The following MCPH1 variants were observed in gnomAD, a reference collection of about 807,000 sequenced individuals.
MCPH1 encodes microcephalin 1, also known as microcephalin.
Under a neutral mutation model 84.5 loss-of-function variants are expected in MCPH1, and 104 were observed. That is an observed-to-expected ratio of 1.23 (90% CI 1.05 to 1.45). The LOEUF is 1.45. Among genes scored for constraint, MCPH1 ranks in the 40% most tolerant of loss-of-function variants. MCPH1 has a pLI of 0.00. For missense variants in MCPH1, 1,498 were observed against 1,005.7 expected, an observed-to-expected ratio of 1.49 and a Z score of -6.62; for synonymous variants, 514 against 366.8, an observed-to-expected ratio of 1.40 and a Z score of -4.58.
At chr8:6,632,875 T>A (rs1018602088) in intron 13 of MCPH1, among the ~76,000 whole-genome samples, 1 of 152,136 alleles carries the variant, frequency 6.6e-6, no homozygotes, top group Admixed American at 6.6e-5. Flanking sequence ...GTAGTGTGTT[T>A]TTAAAACACA....
At chr8:6,515,713 A>G (rs1816136335) in intron 12 of MCPH1, among the ~76,000 whole-genome samples, 2 of 152,232 alleles carry the variant, frequency 1.3e-5, no homozygotes, top group Admixed American at 6.5e-5. Context: ...TTTCTGCCAC[A>G]TACAAGGTAG....
chr8:6,427,940 G>A (rs544710843), intron 3 of MCPH1, among the ~76,000 whole-genome samples: 21 of 151,828 alleles, frequency 1.4e-4, no homozygotes, highest in Admixed American at 1.2e-3. Context: ...TTACAGGCAC[G>A]CACCACCACG....
At chr8:6,500,658 G>C (rs955946011) in intron 12 of MCPH1, 1 of 151,998 alleles carries the variant, frequency 6.6e-6, no homozygotes, top group African/African-American at 2.4e-5. Flanking sequence ...GGGTTGTTTT[G>C]TTTTCATTTT....
At chr8:6,481,348 A>G (rs992725846) in intron 11 of MCPH1, among the ~76,000 whole-genome samples, 3 of 152,222 alleles carry the variant, frequency 2.0e-5, no homozygotes, top group African/African-American at 7.2e-5. Flanking sequence ...ATGTATATCT[A>G]TCTGTAACAT....
chr8:6,529,882 G>GTT (rs3045055), intron 12 of MCPH1, among the ~76,000 whole-genome samples: 72,521 of 148,512 alleles, frequency 0.49, 18,682 homozygotes, highest in Non-Finnish European at 0.58. Flanking sequence ...CACAATAGGC[G>GTT]TTTTTTTTTT....
intron 12 of MCPH1, among the ~76,000 whole-genome samples, chr8:6,561,388 T>C (rs1366384039): frequency 1.3e-5 from 2 of 152,220 alleles, no homozygotes; most frequent in Admixed American, 1.3e-4. Context: ...ATTCATTCAT[T>C]TAAGCTCATG....
chr8:6,422,879 G>A (rs906638247), intron 3 of MCPH1, among the ~76,000 whole-genome samples: 1 of 151,866 alleles, frequency 6.6e-6, no homozygotes, highest in East Asian at 2.0e-4. Context: ...TAGTAGAGAC[G>A]GGGTTTCACT....
intron 12 of MCPH1, among the ~76,000 whole-genome samples, chr8:6,606,922 A>G (rs1474299398): frequency 1.3e-5 from 2 of 152,172 alleles, no homozygotes; most frequent in African/African-American, 4.8e-5. Flanking sequence ...TTCCACTATG[A>G]GTGTGAGGCC....
chr8:6,490,417 A>T (rs1433731296), intron 11 of MCPH1, among the ~76,000 whole-genome samples: 1 of 152,160 alleles, frequency 6.6e-6, no homozygotes, highest in African/African-American at 2.4e-5. Flanking sequence ...ACAATCTGTT[A>T]TTTCAAGGCT....
chr8:6,624,020 C>T (rs371926990), intron 13 of MCPH1, among the ~76,000 whole-genome samples: 79 of 152,340 alleles, frequency 5.2e-4, no homozygotes, highest in African/African-American at 1.9e-3. Flanking sequence ...ACTCGTGTTT[C>T]CAGGTTGGGT....
rs540518849 is a variant in MCPH1, at chr8:6,577,677, G to A, written c.2215-43777G>A. Among the ~76,000 whole-genome samples, 23 of 152,350 alleles carry A rather than the reference G, an allele frequency of 1.5e-4. No homozygotes were observed. The East Asian group carries it at 3.5e-3, about 23-fold the overall frequency. ...ATATGCCACAAAGCTGCAGTAGTGT[G>A]TTAGGTTTAGTAGATGGCTAAGCAC... On this transcript the variant is annotated intron_variant, in intron 12 of 13. Transcript: ENST00000344683.
At chr8:6,465,000 A>G (rs566443036) in intron 9 of MCPH1, among the ~76,000 whole-genome samples, 9 of 126,240 alleles carry the variant, frequency 7.1e-5, no homozygotes, top group South Asian at 4.9e-4. Context: ...TCCATCTCAG[A>G]AAAAAAAAAA....
chr8:6,407,498 G>C (rs1797909553), intron 1 of MCPH1, among the ~76,000 whole-genome samples: 1 of 152,116 alleles, frequency 6.6e-6, no homozygotes, highest in African/African-American at 2.4e-5. Context: ...TGTGCACCTG[G>C]AAGAGCCCAG....
intron 3 of MCPH1, among the ~76,000 whole-genome samples, chr8:6,421,354 CCT>C: frequency 6.6e-6 from 1 of 152,196 alleles, no homozygotes; most frequent in African/African-American, 2.4e-5. Flanking sequence ...GTGGTAGAGG[CCT>C]CTCCTGCCGG....
At chr8:6,584,356 T>C (rs1827808911) in intron 12 of MCPH1, among the ~76,000 whole-genome samples, 1 of 152,158 alleles carries the variant, frequency 6.6e-6, no homozygotes, top group African/African-American at 2.4e-5. Flanking sequence ...AAGCTGAAAG[T>C]TAATGCAAAC....
chr8:6,569,534 A>G (rs2515514), intron 12 of MCPH1, among the ~76,000 whole-genome samples: 1 of 152,080 alleles, frequency 6.6e-6, no homozygotes, highest in Non-Finnish European at 1.5e-5. Context: ...AAGTTACCGT[A>G]AAGACAGAAG....
At position 6,431,566 on chromosome 8, in the gene MCPH1, T is replaced by C. The variant is rs749905038; in HGVS notation, c.301T>C (p.Ser101Pro). The C allele has an allele frequency of 3.1e-6, 5 of 1,611,404 alleles. No individual in the cohort carries two copies. The highest frequency in any genetic ancestry group is 4.5e-5 in the East Asian group (2 of 44,788). ...FPAANMNEHL[S>P]SLIKKKRKCM... ...TGCAGCTAATATGAATGAACACTTA[T>C]CAAGCCTAATTAAAAAAAAAGTAAG... Residue 101 changes from serine (S) to proline (P), a missense_variant, in exon 4 of 14, where the codon TCA becomes CCA. Coordinates refer to ENST00000344683, the MANE Select transcript of MCPH1 (RefSeq NM_024596.5).
chr8:6,534,950 GT>G (rs1306673301), intron 12 of MCPH1, among the ~76,000 whole-genome samples: 2 of 152,166 alleles, frequency 1.3e-5, no homozygotes. Context: ...AGTTAAAGCT[GT>G]GTGTCACCCA....
chr8:6,490,664 C>G (rs1471800690), intron 11 of MCPH1, among the ~76,000 whole-genome samples: 2 of 152,172 alleles, frequency 1.3e-5, no homozygotes, highest in African/African-American at 4.8e-5. Context: ...TAATGCCTTT[C>G]TCCTAAAATT....
Sources: allele counts gnomAD v4.1 joint callset (sites outside exome capture counted in the v4.1 genomes callset), GRCh38; gene constraint gnomAD v4.1.1; transcripts MANE v1.5; gene names NCBI Gene and HGNC (gene_info 2026-07-23, HGNC 2026-07-21).